Variants in ARHGAP12 observed in about 807,000 individuals in gnomAD.
The protein encoded by ARHGAP12 is rho GTPase-activating protein 12.
A neutral mutation model predicts 108.6 loss-of-function variants in ARHGAP12; 64 were observed. That is an observed-to-expected ratio of 0.59 (90% CI 0.48 to 0.73). The LOEUF is 0.73. Ranked by LOEUF, ARHGAP12 falls within the 30% of genes least tolerant of loss-of-function variation. ARHGAP12 has a pLI of 0.00. For missense variants in ARHGAP12, 940 were observed against 1,005.9 expected (o/e 0.93, Z 0.89); for synonymous variants, 312 against 337.2 (o/e 0.93, Z 0.82).
intron 15 of ARHGAP12, among the ~76,000 whole-genome samples, chr10:31,811,180 GAGT>G (rs1159879766): frequency 1.3e-5 from 2 of 152,146 alleles, no homozygotes; most frequent in Non-Finnish European, 2.9e-5. Flanking sequence ...CTTCCTACTT[GAGT>G]ATAAGTTTCA....
chr10:31,812,941 A>T, intron 14 of ARHGAP12, 118 bp from the exon 15 acceptor site: 2 of 520,472 alleles, frequency 3.8e-6, no homozygotes. Context: ...AGTACAATTC[A>T]GTTATTTTAA....
chr10:31,828,029 T>C (rs1203953582), intron 10 of ARHGAP12, among the ~76,000 whole-genome samples: 1 of 152,198 alleles, frequency 6.6e-6, no homozygotes, highest in Admixed American at 6.5e-5. Context: ...TTTTTGCTTA[T>C]GTTTGTTAAT....
intron 3 of ARHGAP12, among the ~76,000 whole-genome samples, chr10:31,874,937 G>A (rs1837669988): frequency 8.6e-6 from 1 of 116,316 alleles, no homozygotes; most frequent in Non-Finnish European, 1.6e-5. Context: ...TGGCGCCACA[G>A]CACTCCAGAC....
chr10:31,825,128 C>T (rs999141116), intron 11 of ARHGAP12, among the ~76,000 whole-genome samples: 7 of 152,100 alleles, frequency 4.6e-5, no homozygotes, highest in Admixed American at 2.0e-4. Flanking sequence ...ACAGAAGAAA[C>T]GATCTAGAAT....
At chr10:31,837,653 A>C (rs563124334) in intron 9 of ARHGAP12, among the ~76,000 whole-genome samples, 5 of 152,218 alleles carry the variant, frequency 3.3e-5, no homozygotes, top group Non-Finnish European at 7.3e-5. Context: ...CCAACATCAG[A>C]AGGAAATGTG....
At position 31,807,644 on chromosome 10, in the gene ARHGAP12, G is replaced by C; in HGVS notation, c.*14C>G. 1 of 1,587,046 alleles carries C rather than the reference G, an allele frequency of 6.3e-7. No individual in the cohort carries two copies. Among genetic ancestry groups the C allele is most frequent in the South Asian group, 1.2e-5 (1 of 85,608 alleles). ...GAATCCAGCTTCTATTCCACAGGTT[G>C]TCTTCAGTAAGAATCAACGTCCGAA... On this transcript the variant is annotated 3_prime_UTR_variant, in exon 20 of 20. Transcript: ENST00000344936.
chr10:31,868,483 A>G (rs529723454), intron 3 of ARHGAP12, among the ~76,000 whole-genome samples: 1 of 152,298 alleles, frequency 6.6e-6, no homozygotes, highest in East Asian at 1.9e-4. Context: ...CAGACTTACA[A>G]AAGTGACAAT....
At chr10:31,907,633 T>TA (rs201334534) in intron 3 of ARHGAP12, among the ~76,000 whole-genome samples, 6,220 of 127,610 alleles carry the variant, frequency 0.049, 194 homozygotes, top group Non-Finnish European at 0.076. Flanking sequence ...GACCTTGTCT[T>TA]AAAAAAAAAA....
chr10:31,806,371 T>C lies in ARHGAP12; in HGVS notation c.*1287A>G, dbSNP rs1834824645. The C allele has an allele frequency of 6.6e-6, 1 of 152,606 alleles. No individual in the cohort carries two copies. Among genetic ancestry groups the C allele is most frequent in the Non-Finnish European group, 1.5e-5 (1 of 68,010 alleles). The allele number at this position is 152,606 out of a possible 1,614,324, so 9.5% of individuals were successfully genotyped here. Reference sequence around the variant, plus strand: ...AGAAGTTAATCTAGAAAAATACATTTTAAAAATCTTCAACAGACCATGCTC... The same window carrying C: ...AGAAGTTAATCTAGAAAAATACATTCTAAAAATCTTCAACAGACCATGCTC... On this transcript the variant is annotated 3_prime_UTR_variant, in exon 20 of 20. Transcript: ENST00000344936.
chr10:31,869,765 T>C (rs562556687), intron 3 of ARHGAP12, among the ~76,000 whole-genome samples: 1 of 152,250 alleles, frequency 6.6e-6, no homozygotes, highest in African/African-American at 2.4e-5. Flanking sequence ...TGGGGAACCA[T>C]ATATATAAGA....
intron 2 of ARHGAP12, among the ~76,000 whole-genome samples, chr10:31,909,135 C>T (rs1172827175): frequency 6.6e-6 from 1 of 152,062 alleles, no homozygotes; most frequent in Admixed American, 6.5e-5. Flanking sequence ...TTTTCAGTCA[C>T]TTATGACCAA....
At position 31,884,337 on chromosome 10, in the gene ARHGAP12, G is replaced by A. The variant is rs191105884; in HGVS notation, c.685-22679C>T. Among the ~76,000 whole-genome samples the A allele has an allele frequency of 6.5e-4, 97 of 149,924 alleles. 1 individual carries two copies. Among genetic ancestry groups the A allele is most frequent in the African/African-American group, 2.2e-3 (91 of 40,958 alleles). ...TAATCTCCCCTCCAAAAAAAAAAAC[G>A]GCACAGTTTTACATTTTTACAAATC... On this transcript the variant is annotated intron_variant, in intron 3 of 19. Coordinates refer to ENST00000344936, the MANE Select transcript of ARHGAP12 (RefSeq NM_018287.7).
At chr10:31,842,111 G>A (rs1592277753) in intron 7 of ARHGAP12, among the ~76,000 whole-genome samples, 1 of 151,980 alleles carries the variant, frequency 6.6e-6, no homozygotes, top group Non-Finnish European at 1.5e-5. Flanking sequence ...AAGATTGTTT[G>A]ACATTTTATG....
intron 6 of ARHGAP12, 41 bp from the exon 7 acceptor site, chr10:31,843,627 A>C: frequency 6.5e-7 from 1 of 1,527,966 alleles, no homozygotes; most frequent in Non-Finnish European, 8.7e-7. Flanking sequence ...AACAGTTCAT[A>C]AACAATAGAA....
intron 3 of ARHGAP12, among the ~76,000 whole-genome samples, chr10:31,885,953 C>T (rs533522745): frequency 9.9e-5 from 15 of 152,196 alleles, no homozygotes; most frequent in East Asian, 1.9e-4. Context: ...TTTCTGATTT[C>T]GAAGCCTATT....
intron 1 of ARHGAP12, among the ~76,000 whole-genome samples, chr10:31,928,017 C>T (rs776423227): frequency 5.3e-5 from 8 of 152,174 alleles, no homozygotes; most frequent in Non-Finnish European, 1.2e-4. Flanking sequence ...CGGGAAAGAC[C>T]GCAAAGAAGA....
chr10:31,896,278 T>C (rs1838689061), intron 3 of ARHGAP12, among the ~76,000 whole-genome samples: 1 of 142,782 alleles, frequency 7.0e-6, no homozygotes. Flanking sequence ...ATGGATGTGA[T>C]CCAGGACATC....
chr10:31,847,309 AC>A lies in ARHGAP12; in HGVS notation c.1171-3724del, dbSNP rs532443035. Among the ~76,000 whole-genome samples the A allele has an allele frequency of 5.8e-3, 884 of 152,284 alleles. 6 individuals carry two copies. Among genetic ancestry groups the A allele is most frequent in the Non-Finnish European group, 8.1e-3 (552 of 68,010 alleles). ...TAGGTCATATTTGGATGTTTTGAGTACTATAAGACTTTGGTTTCTATTTAAA... is the reference window on the plus strand; with the variant it reads ...TAGGTCATATTTGGATGTTTTGAGTATATAAGACTTTGGTTTCTATTTAAA... On this transcript the variant is annotated intron_variant, in intron 6 of 19. Transcript: ENST00000344936.
At chr10:31,901,347 C>T (rs1838915304) in intron 3 of ARHGAP12, among the ~76,000 whole-genome samples, 1 of 151,614 alleles carries the variant, frequency 6.6e-6, no homozygotes, top group Non-Finnish European at 1.5e-5. Context: ...GCCTGGCCAA[C>T]ATGGTGAAAC....
Sources: allele counts gnomAD v4.1 joint callset (sites outside exome capture counted in the v4.1 genomes callset), GRCh38; gene constraint gnomAD v4.1.1; transcripts MANE v1.5; gene names NCBI Gene and HGNC (gene_info 2026-07-23, HGNC 2026-07-21).